The following PDE3A variants were observed in gnomAD, a reference collection of about 807,000 sequenced individuals.
The protein encoded by PDE3A is cGMP-inhibited 3',5'-cyclic phosphodiesterase 3A.
A neutral mutation model predicts 98.3 loss-of-function variants in PDE3A; 43 were observed. The observed-to-expected ratio is 0.44, with a 90% CI of 0.34 to 0.56. The LOEUF (loss-of-function observed/expected upper bound fraction) is 0.56, where lower values mean the gene tolerates loss of function less well. Among genes scored for constraint, PDE3A ranks in the 20% least tolerant of loss-of-function variants. PDE3A has a pLI of 0.01. For synonymous variants in PDE3A, 663 were observed against 567.9 expected, an observed-to-expected ratio of 1.17 and a Z score of -2.38; for missense variants, 1,427 against 1,440.7, an observed-to-expected ratio of 0.99 and a Z score of 0.15.
chr12:20,418,055 A>G (rs983652574), intron 1 of PDE3A, among the ~76,000 whole-genome samples: 2 of 152,052 alleles, frequency 1.3e-5, no homozygotes, highest in Admixed American at 6.6e-5. Flanking sequence ...TTTCCTAGGT[A>G]GAGAATCTAG....
In PDE3A at chr12:20,685,119, T is replaced by C. The variant is rs895390822; in HGVS notation, c.*4848T>C. Among the ~76,000 whole-genome samples, 15 of 152,092 alleles carry C rather than the reference T, an allele frequency of 9.9e-5. No individual in the cohort carries two copies. Among genetic ancestry groups the C allele is most frequent in the Non-Finnish European group, 1.5e-4 (10 of 68,002 alleles). ...GCAGGCTAACAATGGTGAAGTAAAATGAACATTTTTGGGCCGGGCGCAGTG... is the reference window on the plus strand; with the variant it reads ...GCAGGCTAACAATGGTGAAGTAAAACGAACATTTTTGGGCCGGGCGCAGTG... On this transcript the variant is annotated 3_prime_UTR_variant, in exon 16 of 16. Transcript: ENST00000359062.
chr12:20,637,076 G>A (rs753517412), intron 8 of PDE3A, 24 bp from the exon 9 acceptor site: 12 of 1,527,796 alleles, frequency 7.9e-6, no homozygotes, highest in Non-Finnish European at 1.1e-5. Context: ...TGCTGTTTAA[G>A]TATTTTAATG....
chr12:20,479,528 C>T (rs1285894166), intron 1 of PDE3A, among the ~76,000 whole-genome samples: 2 of 152,172 alleles, frequency 1.3e-5, no homozygotes, highest in Non-Finnish European at 2.9e-5. Flanking sequence ...GAAGAACTGT[C>T]CCTATCCCTT....
chr12:20,382,244 G>A (rs1300258247), intron 1 of PDE3A, among the ~76,000 whole-genome samples: 2 of 151,846 alleles, frequency 1.3e-5, no homozygotes, highest in African/African-American at 4.8e-5. Context: ...AGTTGCTTCT[G>A]TTGAGAATCA....
chr12:20,625,284 G>C (rs1177393019), intron 5 of PDE3A, among the ~76,000 whole-genome samples: 3 of 152,146 alleles, frequency 2.0e-5, no homozygotes, highest in Admixed American at 2.0e-4. Flanking sequence ...CTTCTAGTAT[G>C]AGTCACTGAC....
chr12:20,424,365 A>T (rs1944570590), intron 1 of PDE3A, among the ~76,000 whole-genome samples: 1 of 151,750 alleles, frequency 6.6e-6, no homozygotes, highest in East Asian at 1.9e-4. Context: ...GCCCTCTTTC[A>T]ATTACTTCCC....
Position 20,567,147 on chromosome 12 carries a change from C to A in PDE3A, c.1011+10437C>A, listed in dbSNP as rs539102409. Among the ~76,000 whole-genome samples, 47 of 152,002 alleles carry A rather than the reference C, an allele frequency of 3.1e-4. No individual in the cohort carries two copies. The South Asian group carries it at 9.8e-3, about 32-fold the overall frequency. On this transcript the variant is annotated intron_variant, in intron 2 of 15. Transcript: ENST00000359062. The stretch of plus-strand genomic sequence containing the variant: ...CAGTTTTGTTTTATAGTGATTATGG[C>A]AACCTTGTGTATAGTGAATTTTTAA...
Position 20,529,461 on chromosome 12 carries a change from A to G in PDE3A, c.961-27199A>G, listed in dbSNP as rs562523532. ...CCTCAGAATGTTACCTTATTTGGAA[A>G]TAGGGTCTTTGCAGAGGTAACCAAG... is the stretch of plus-strand genomic sequence containing the variant. On this transcript the variant is annotated intron_variant, in intron 1 of 15. Coordinates refer to ENST00000359062, the MANE Select transcript of PDE3A (RefSeq NM_000921.5). Among the ~76,000 whole-genome samples, 3 of 152,274 alleles carry G rather than the reference A, an allele frequency of 2.0e-5. No individual in the cohort carries two copies. The South Asian group carries it at 6.2e-4, about 32-fold the overall frequency.
At chr12:20,672,298 A>G (rs1406380938) in intron 15 of PDE3A, among the ~76,000 whole-genome samples, 1 of 144,638 alleles carries the variant, frequency 6.9e-6, no homozygotes, top group Non-Finnish European at 1.5e-5. Context: ...ATTCAATGCC[A>G]TCCCCATCAA....
rs1026741115 is a variant in PDE3A, at chr12:20,506,397, A to G, written c.961-50263A>G. 3.9e-5 allele frequency among the ~76,000 whole-genome samples: 6 copies of G among 152,160 alleles called. No individual in the cohort carries two copies. The East Asian group carries it at 1.2e-3, about 29-fold the overall frequency. The stretch of plus-strand genomic sequence containing the variant: ...GTATAATTTTGAAATTTTTTTCTGC[A>G]TCTGTCCCCCACAAACAGAGAATAG... On this transcript the variant is annotated intron_variant, in intron 1 of 15. Transcript: ENST00000359062.
intron 1 of PDE3A, among the ~76,000 whole-genome samples, chr12:20,489,132 T>C (rs1363178683): frequency 6.6e-6 from 1 of 152,198 alleles, no homozygotes; most frequent in Non-Finnish European, 1.5e-5. Flanking sequence ...ATGTCTTCAG[T>C]TTACAGTTAA....
At chr12:20,586,531 C>T (rs1289728031) in intron 2 of PDE3A, among the ~76,000 whole-genome samples, 1 of 152,114 alleles carries the variant, frequency 6.6e-6, no homozygotes, top group Non-Finnish European at 1.5e-5. Context: ...ACTTCTCTAA[C>T]TTATAGGATG....
At chr12:20,585,302 G>C (rs1324702488) in intron 2 of PDE3A, among the ~76,000 whole-genome samples, 1 of 152,174 alleles carries the variant, frequency 6.6e-6, no homozygotes, top group Admixed American at 6.5e-5. Context: ...TTGAAGCATA[G>C]TTTAGGCTTA....
Position 20,648,697 on chromosome 12 carries a change from T to C in PDE3A, c.2575T>C (p.Tyr859His). Residue 859 changes from tyrosine to histidine, a missense_variant, in exon 13 of 16, where the codon TAT becomes CAT. Coordinates refer to ENST00000359062, the MANE Select transcript of PDE3A (RefSeq NM_000921.5). Reference protein sequence around the residue: ...VATSAPQAVLYNDRSVLENHH... With the variant: ...VATSAPQAVLHNDRSVLENHH... ...TGTCTTATTTGCCTAGGCGGTGCTA[T>C]ATAACGATCGTTCAGTTTTGGAGAA... 6.2e-7 allele frequency: 1 copy of C among 1,606,802 alleles called. No homozygotes were observed. Among genetic ancestry groups the C allele is most frequent in the East Asian group, 2.2e-5 (1 of 44,826 alleles).
At chr12:20,463,984 A>C (rs1334505552) in intron 1 of PDE3A, among the ~76,000 whole-genome samples, 1 of 152,156 alleles carries the variant, frequency 6.6e-6, no homozygotes, top group Non-Finnish European at 1.5e-5. Context: ...TTTCCACTTA[A>C]TTTATTTCTT....
intron 1 of PDE3A, among the ~76,000 whole-genome samples, chr12:20,424,416 TA>T: frequency 6.6e-6 from 1 of 151,876 alleles, no homozygotes; most frequent in Non-Finnish European, 1.5e-5. Flanking sequence ...AATTTTTCTA[TA>T]GATACAAATA....
intron 1 of PDE3A, among the ~76,000 whole-genome samples, chr12:20,547,813 A>G (rs1327558155): frequency 1.3e-5 from 2 of 152,128 alleles, no homozygotes; most frequent in African/African-American, 4.8e-5. Context: ...AGAAAAACAT[A>G]TAAACATGAA....
At chr12:20,573,682 T>C (rs1942858279) in intron 2 of PDE3A, among the ~76,000 whole-genome samples, 1 of 152,120 alleles carries the variant, frequency 6.6e-6, no homozygotes, top group Non-Finnish European at 1.5e-5. Context: ...CACTTTACCA[T>C]ATAAGGTCAA....
chr12:20,369,194 T>C lies in PDE3A; in HGVS notation c.-91T>C, dbSNP rs369380145. On this transcript the variant is annotated 5_prime_UTR_variant, in exon 1 of 16. Transcript: ENST00000359062. ...GAATTGGGAAGAGCGTGCGTGCGTG[T>C]GTGTGTGTGTGTGTGTGCGCGCGCG... is the stretch of plus-strand genomic sequence containing the variant. 1.8e-3 allele frequency: 438 copies of C among 245,438 alleles called. No homozygotes were observed. The highest frequency in any genetic ancestry group is 3.0e-3 in the East Asian group (45 of 14,984). 15.2% of individuals were successfully genotyped at this position (245,438 alleles called of 1,614,324 possible). A position where few individuals can be genotyped will look rare whatever the true frequency, so the allele number is the denominator to read the frequency against.
Sources: allele counts gnomAD v4.1 joint callset (sites outside exome capture counted in the v4.1 genomes callset), GRCh38; gene constraint gnomAD v4.1.1; transcripts MANE v1.5; gene names NCBI Gene and HGNC (gene_info 2026-07-23, HGNC 2026-07-21).